RAP1GAP2: variants seen among roughly 807,000 people sequenced by gnomAD.
RAP1GAP2 encodes the protein RAP1 GTPase activating protein 2.
A neutral mutation model predicts 95.0 loss-of-function variants in RAP1GAP2; 27 were observed. The observed-to-expected ratio is 0.28, with a 90% CI of 0.21 to 0.39. RAP1GAP2 has a LOEUF of 0.39. RAP1GAP2 is among the 10% of genes least tolerant of loss of function. The probability of loss-of-function intolerance (pLI) is 1.00; values close to 1 mark genes in which losing one functional copy is unlikely to be tolerated. For synonymous variants in RAP1GAP2, 373 were observed against 380.9 expected (o/e 0.98, Z 0.24); for missense variants, 771 against 970.0 (o/e 0.79, Z 2.72).
At chr17:2,775,034 GT>G (rs2068468345), upstream of RAP1GAP2, among the ~76,000 whole-genome samples, 1 of 149,102 alleles carries the variant, frequency 6.7e-6, no homozygotes, top group South Asian at 2.1e-4. Flanking sequence ...GTTTCACCAT[GT>G]TGACCAGGTT....
chr17:2,918,594 C>T (rs958142874), intron 3 of RAP1GAP2, among the ~76,000 whole-genome samples: 3 of 151,980 alleles, frequency 2.0e-5, no homozygotes, highest in South Asian at 4.2e-4. Flanking sequence ...AGGGCCAGAG[C>T]GGGAGCAAGA....
chr17:2,854,112 T>C, intron 2 of RAP1GAP2: 1 of 985,432 alleles, frequency 1.0e-6, no homozygotes. Flanking sequence ...GGTAAACCCC[T>C]GCAGCGCCGG....
chr17:2,760,145 T>C (rs1303228971), intron 1 of RAP1GAP2, among the ~76,000 whole-genome samples: 1 of 151,234 alleles, frequency 6.6e-6, no homozygotes, highest in African/African-American at 2.4e-5. Context: ...TACAAAAAAT[T>C]AGCCAGGCGT....
intron 1 of RAP1GAP2, among the ~76,000 whole-genome samples, chr17:2,770,050 G>C (rs541219159): frequency 7.5e-6 from 1 of 134,056 alleles, no homozygotes; most frequent in South Asian, 2.4e-4. Flanking sequence ...TCCAGCCTGG[G>C]CAACAGAGAG....
intron 11 of RAP1GAP2, 24 bp from the exon 12 acceptor site, chr17:2,991,273 C>T (rs1355793706): frequency 6.5e-7 from 1 of 1,535,514 alleles, no homozygotes; most frequent in Non-Finnish European, 8.9e-7. Context: ...CTAATTCCTG[C>T]CCTTATTCCT....
intron 2 of RAP1GAP2, among the ~76,000 whole-genome samples, chr17:2,805,548 T>C (rs1469452995): frequency 1.3e-5 from 2 of 151,822 alleles, no homozygotes; most frequent in Non-Finnish European, 2.9e-5. Context: ...TATTTTTGTA[T>C]TTTAGTAGAG....
chr17:2,821,649 C>T (rs1478109194), intron 2 of RAP1GAP2, among the ~76,000 whole-genome samples: 1 of 152,034 alleles, frequency 6.6e-6, no homozygotes, highest in African/African-American at 2.4e-5. Flanking sequence ...GCTGGGATTA[C>T]AGGTGTGAGC....
In RAP1GAP2 at chr17:3,012,128, C is replaced by T. The variant is rs147124409; in HGVS notation, c.1494+3983C>T. Among the ~76,000 whole-genome samples, 335 of 152,304 alleles carry T rather than the reference C, an allele frequency of 2.2e-3. 2 individuals carry two copies. The highest frequency in any genetic ancestry group is 4.4e-3 in the South Asian group (21 of 4,822). ...TCACCCCGCTTGGAGCAGTTCCTTA[C>T]AGCTCACTTCTGTCCTCCCAGCTGT... On this transcript the variant is annotated intron_variant, in intron 17 of 24. Transcript: ENST00000254695.
intron 3 of RAP1GAP2, among the ~76,000 whole-genome samples, chr17:2,918,521 G>C (rs1019514048): frequency 6.6e-6 from 1 of 151,662 alleles, no homozygotes; most frequent in Admixed American, 6.6e-5. Context: ...CTGCTTGGCT[G>C]TTGGGGTGGC....
chr17:2,838,794 G>T (rs1311959993), intron 2 of RAP1GAP2, among the ~76,000 whole-genome samples: 1 of 152,074 alleles, frequency 6.6e-6, no homozygotes, highest in African/African-American at 2.4e-5. Context: ...CTCTTTCTGT[G>T]CAGCTCATCA....
At chr17:2,891,814 CTTTTTTTT>C (rs917540694) in intron 2 of RAP1GAP2, among the ~76,000 whole-genome samples, 2 of 54,288 alleles carry the variant, frequency 3.7e-5, no homozygotes, top group African/African-American at 1.4e-4. Flanking sequence ...TATTTCTTTT[CTTTTTTTT>C]TTTTTTTTTT....
At chr17:2,987,911 C>T (rs1043111911) in intron 11 of RAP1GAP2, among the ~76,000 whole-genome samples, 3 of 152,164 alleles carry the variant, frequency 2.0e-5, no homozygotes, top group East Asian at 1.9e-4. Flanking sequence ...TATCATCTGC[C>T]GCTCTTCATG....
chr17:2,816,320 T>A (rs1304506027), intron 2 of RAP1GAP2, among the ~76,000 whole-genome samples: 1 of 151,852 alleles, frequency 6.6e-6, no homozygotes, highest in Non-Finnish European at 1.5e-5. Context: ...TTTTTTCTCA[T>A]TTTCATCAAA....
At chr17:2,876,983 G>T (rs1408451088) in intron 2 of RAP1GAP2, among the ~76,000 whole-genome samples, 1 of 151,468 alleles carries the variant, frequency 6.6e-6, no homozygotes, top group Non-Finnish European at 1.5e-5. Context: ...CCACCTCCCG[G>T]GTTCAAGCGA....
chr17:2,911,994 C>T lies in RAP1GAP2; in HGVS notation c.165+6626C>T, dbSNP rs534305608. Among the ~76,000 whole-genome samples the T allele has an allele frequency of 3.3e-5, 5 of 152,312 alleles. No individual in the cohort carries two copies. In the East Asian group the frequency reaches 5.8e-4, roughly 18 times the overall value. On this transcript the variant is annotated intron_variant, in intron 3 of 24. Transcript: ENST00000254695. Reference sequence around the variant, plus strand: ...CCTCTTTGTGCAAGTCTGAGGGCAGCCCCTCTCAGACCTTCTCCTTTCCAG... The same window carrying T: ...CCTCTTTGTGCAAGTCTGAGGGCAGTCCCTCTCAGACCTTCTCCTTTCCAG...
intron 22 of RAP1GAP2, among the ~76,000 whole-genome samples, chr17:3,028,833 C>G (rs1311248012): frequency 6.6e-6 from 1 of 152,112 alleles, no homozygotes; most frequent in Non-Finnish European, 1.5e-5. Flanking sequence ...TGGAGTCTCA[C>G]TCTGCCACCC....
Position 2,963,465 on chromosome 17 carries a change from AG to A in RAP1GAP2, c.279+5del, listed in dbSNP as rs1567829674. Reference sequence around the variant, plus strand: ...TCCCATACCCCAGCATCGACGAGGTAGGTGCCCTCCCCTCACTCCCACCTGC... The same window carrying A: ...TCCCATACCCCAGCATCGACGAGGTAGTGCCCTCCCCTCACTCCCACCTGC... On this transcript the variant is annotated splice_donor_region_variant and intron_variant, in intron 6 of 24. Transcript: ENST00000254695. This position sits in a 1 kb window ranked among gnomAD's most constrained non-coding sequence, Gnocchi z 4.8. 1 of 1,613,704 alleles carries A rather than the reference AG, an allele frequency of 6.2e-7. No homozygotes were observed. Among genetic ancestry groups the A allele is most frequent in the Non-Finnish European group, 8.5e-7 (1 of 1,179,816 alleles).
intron 10 of RAP1GAP2, among the ~76,000 whole-genome samples, chr17:2,982,946 G>A (rs972549108): frequency 1.4e-4 from 22 of 152,234 alleles, no homozygotes; most frequent in African/African-American, 4.3e-4. Flanking sequence ...AGTTTAGAAC[G>A]TTCTTTGGAC....
At chr17:2,898,448 T>C (rs368867461) in intron 2 of RAP1GAP2, among the ~76,000 whole-genome samples, 7 of 152,346 alleles carry the variant, frequency 4.6e-5, no homozygotes, top group East Asian at 1.9e-4. Flanking sequence ...GCTGGGCTCA[T>C]GCCCTTTCTC....
Sources: allele counts gnomAD v4.1 joint callset (sites outside exome capture counted in the v4.1 genomes callset), GRCh38; gene constraint gnomAD v4.1.1; non-coding constraint Gnocchi (gnomAD v3.1); transcripts MANE v1.5; gene names NCBI Gene and HGNC (gene_info 2026-07-23, HGNC 2026-07-21).